The following PRRX1 variants were observed in gnomAD, a reference collection of about 807,000 sequenced individuals.
The protein encoded by PRRX1 is paired related homeobox 1.
In PRRX1, 8 loss-of-function variants were observed where a neutral mutation model predicts 24.0. The observed-to-expected ratio is 0.33, with a 90% CI of 0.20 to 0.60. The LOEUF (loss-of-function observed/expected upper bound fraction) is 0.60, where lower values mean the gene tolerates loss of function less well. PRRX1 is among the 20% of genes least tolerant of loss of function. PRRX1 has a pLI of 0.82. For synonymous variants in PRRX1, 160 were observed against 131.7 expected (o/e 1.22, Z -1.47); for missense variants, 281 against 322.4 (o/e 0.87, Z 0.98).
chr1:170,697,316 C>T (rs1288710589), intron 1 of PRRX1, among the ~76,000 whole-genome samples: 1 of 152,100 alleles, frequency 6.6e-6, no homozygotes, highest in Non-Finnish European at 1.5e-5. Context: ...ACAATGATCT[C>T]CCTTGAAGGG....
At chr1:170,734,393 T>C (rs1037640816) in intron 3 of PRRX1, among the ~76,000 whole-genome samples, 1 of 152,056 alleles carries the variant, frequency 6.6e-6, no homozygotes, top group African/African-American at 2.4e-5. Flanking sequence ...GAGGAAACAG[T>C]TGTGAACAAG....
At chr1:170,735,975 T>C (rs1655587976) in intron 3 of PRRX1, 73 bp from the exon 4 acceptor site, 3 of 1,588,038 alleles carry the variant, frequency 1.9e-6, no homozygotes, top group Admixed American at 3.3e-5. Flanking sequence ...AGTACATCCA[T>C]CTGGGGCACA....
At chr1:170,678,211 T>C (rs558492583) in intron 1 of PRRX1, among the ~76,000 whole-genome samples, 2 of 152,262 alleles carry the variant, frequency 1.3e-5, no homozygotes, top group Non-Finnish European at 2.9e-5. Flanking sequence ...CCTGTTTTCA[T>C]ACATATTTTC....
At chr1:170,706,427 T>C (rs1449277280) in intron 1 of PRRX1, among the ~76,000 whole-genome samples, 4 of 152,220 alleles carry the variant, frequency 2.6e-5, no homozygotes, top group Non-Finnish European at 4.4e-5. Context: ...AACAATTTAA[T>C]ACTATGCCCT....
chr1:170,700,797 A>G (rs1301981333), intron 1 of PRRX1, among the ~76,000 whole-genome samples: 2 of 152,164 alleles, frequency 1.3e-5, no homozygotes, highest in African/African-American at 4.8e-5. Context: ...CAGTTCAAAG[A>G]GTCTTAGCAT....
At position 170,718,337 on chromosome 1, in the gene PRRX1, G is replaced by C. The variant is rs80294620; in HGVS notation, c.242-1389G>C. Among the ~76,000 whole-genome samples, 1,496 of 152,274 alleles carry C rather than the reference G, an allele frequency of 9.8e-3. 25 individuals carry two copies. Among genetic ancestry groups the C allele is most frequent in the African/African-American group, 0.032 (1,317 of 41,542 alleles). Reference sequence around the variant, plus strand: ...AAGACTTAGAGGCCTCAGTTGTCAGGCCTCTGGATTTAAGCTACATTTTGA... The same window carrying C: ...AAGACTTAGAGGCCTCAGTTGTCAGCCCTCTGGATTTAAGCTACATTTTGA... On this transcript the variant is annotated intron_variant, in intron 1 of 3. Transcript: ENST00000239461.
chr1:170,680,523 C>T (rs767805367), intron 1 of PRRX1, among the ~76,000 whole-genome samples: 15 of 152,302 alleles, frequency 9.8e-5, no homozygotes, highest in Non-Finnish European at 1.8e-4. Context: ...GGAATTACAA[C>T]TTCATAATTC....
Position 170,688,230 on chromosome 1 carries a change from A to G in PRRX1, c.241+23771A>G, listed in dbSNP as rs1479878356. Among the ~76,000 whole-genome samples the G allele has an allele frequency of 3.3e-5, 5 of 152,248 alleles. No individual in the cohort carries two copies. In the East Asian group the frequency reaches 9.6e-4, roughly 29 times the overall value. On this transcript the variant is annotated intron_variant, in intron 1 of 3. Coordinates refer to ENST00000239461, the MANE Select transcript of PRRX1 (RefSeq NM_022716.4). ...AGAAAGCAGTATAAAATAAGAATGTAAGGAAAACTAACACTCCAAGTACAA... is the reference window on the plus strand; with the variant it reads ...AGAAAGCAGTATAAAATAAGAATGTGAGGAAAACTAACACTCCAAGTACAA...
chr1:170,728,444 G>C (rs953709604), intron 3 of PRRX1: 1 of 152,098 alleles, frequency 6.6e-6, no homozygotes, highest in African/African-American at 2.4e-5. Context: ...TCATTTTTGT[G>C]ATTAGAGTTC....
In PRRX1 at chr1:170,736,394, T is replaced by C; in HGVS notation, c.*208T>C. The C allele has an allele frequency of 1.6e-6, 1 of 635,910 alleles. No homozygotes were observed. 39.4% of individuals were successfully genotyped at this position (635,910 alleles called of 1,614,324 possible). On this transcript the variant is annotated 3_prime_UTR_variant, in exon 4 of 4. Transcript: ENST00000239461. The stretch of plus-strand genomic sequence containing the variant: ...ACAAATGTTCCTCCTCCCTCTGGGA[T>C]ACCACCACCACTTGTTTCTGTGTGT...
At chr1:170,709,182 A>G (rs189920454) in intron 1 of PRRX1, among the ~76,000 whole-genome samples, 1 of 152,322 alleles carries the variant, frequency 6.6e-6, no homozygotes, top group Non-Finnish European at 1.5e-5. Flanking sequence ...TGCTGGATGA[A>G]GAATAGTGAG....
At chr1:170,693,314 G>C (rs1403904903) in intron 1 of PRRX1, among the ~76,000 whole-genome samples, 1 of 152,072 alleles carries the variant, frequency 6.6e-6, no homozygotes, top group East Asian at 1.9e-4. Context: ...GAGACAGCAT[G>C]CAAGTGTGAT....
At chr1:170,724,000 A>C (rs928944540) in intron 2 of PRRX1, among the ~76,000 whole-genome samples, 1 of 152,232 alleles carries the variant, frequency 6.6e-6, no homozygotes, top group African/African-American at 2.4e-5. Context: ...CCTCAACTGT[A>C]AAATAGAAAT....
intron 1 of PRRX1, among the ~76,000 whole-genome samples, chr1:170,683,241 G>A (rs771356955): frequency 7.9e-5 from 12 of 152,218 alleles, no homozygotes. Context: ...GGAGGTTATT[G>A]CAACAGGCCA....
At chr1:170,680,370 GA>G (rs1653469184) in intron 1 of PRRX1, among the ~76,000 whole-genome samples, 1 of 152,156 alleles carries the variant, frequency 6.6e-6, no homozygotes, top group African/African-American at 2.4e-5. Context: ...TGAAGGGGCA[GA>G]AAACAGAGGT....
At chr1:170,721,295 A>G (rs1363574339) in intron 2 of PRRX1, among the ~76,000 whole-genome samples, 2 of 152,164 alleles carry the variant, frequency 1.3e-5, no homozygotes, top group Non-Finnish European at 2.9e-5. Context: ...CTTCCTTACA[A>G]AATTATTGTT....
intron 1 of PRRX1, among the ~76,000 whole-genome samples, chr1:170,691,994 C>T (rs1301150790): frequency 4.6e-5 from 7 of 151,978 alleles, no homozygotes; most frequent in Non-Finnish European, 1.5e-5. Context: ...GTGTTAAGTG[C>T]TATGAGGAAT....
chr1:170,676,306 C>A (rs565252636), intron 1 of PRRX1, among the ~76,000 whole-genome samples: 1 of 151,142 alleles, frequency 6.6e-6, no homozygotes, highest in Admixed American at 6.6e-5. Context: ...ATACGGACTG[C>A]TATTTAAATT....
chr1:170,680,220 C>T (rs747863222), intron 1 of PRRX1, among the ~76,000 whole-genome samples: 40 of 151,710 alleles, frequency 2.6e-4, no homozygotes, highest in Non-Finnish European at 4.3e-4. Flanking sequence ...AATCGTTGTC[C>T]AAAGGATGTA....
Sources: allele counts gnomAD v4.1 joint callset (sites outside exome capture counted in the v4.1 genomes callset), GRCh38; gene constraint gnomAD v4.1.1; transcripts MANE v1.5; gene names NCBI Gene and HGNC (gene_info 2026-07-23, HGNC 2026-07-21).